The following CADPS variants were observed in gnomAD, a reference collection of about 807,000 sequenced individuals.
CADPS encodes the protein calcium-dependent secretion activator 1.
In CADPS, 57 loss-of-function variants were observed where a neutral mutation model predicts 167.3. The ratio of observed to expected loss-of-function variants is 0.34; its 90% CI spans 0.28 to 0.42. The LOEUF is 0.42. Ranked by LOEUF, CADPS falls within the 20% of genes least tolerant of loss-of-function variation. CADPS has a pLI of 1.00. For missense variants in CADPS, 1,414 were observed against 1,738.1 expected, an observed-to-expected ratio of 0.81 and a Z score of 3.32; for synonymous variants, 676 against 635.3, an observed-to-expected ratio of 1.06 and a Z score of -0.96.
chr3:62,641,137 C>T (rs766382517), intron 6 of CADPS, among the ~76,000 whole-genome samples: 6 of 152,026 alleles, frequency 3.9e-5, no homozygotes, highest in Non-Finnish European at 7.4e-5. Flanking sequence ...TATGTCATTG[C>T]TACAAAAGAC....
chr3:62,628,920 TG>T (rs1480026624), intron 6 of CADPS, among the ~76,000 whole-genome samples: 1 of 151,972 alleles, frequency 6.6e-6, no homozygotes, highest in Non-Finnish European at 1.5e-5. Context: ...CCACCACGCC[TG>T]GCCAACCATG....
intron 1 of CADPS, among the ~76,000 whole-genome samples, chr3:62,856,259 T>C (rs531644039): frequency 4.7e-4 from 71 of 152,288 alleles, no homozygotes; most frequent in African/African-American, 1.7e-3. Flanking sequence ...TAGTAAATGT[T>C]ACAATTTACT....
At chr3:62,843,084 G>T (rs533982971) in intron 1 of CADPS, among the ~76,000 whole-genome samples, 6 of 151,812 alleles carry the variant, frequency 4.0e-5, no homozygotes, top group Non-Finnish European at 8.8e-5. Context: ...TTTCATGTAT[G>T]TTTCACTGGA....
chr3:62,472,796 A>G (rs1234445702), intron 24 of CADPS, among the ~76,000 whole-genome samples: 1 of 152,214 alleles, frequency 6.6e-6, no homozygotes, highest in East Asian at 1.9e-4. Flanking sequence ...CAGCCAGGGG[A>G]AGAATCTAGG....
chr3:62,736,532 C>T (rs1053607697), intron 3 of CADPS, among the ~76,000 whole-genome samples: 8 of 152,166 alleles, frequency 5.3e-5, no homozygotes, highest in Non-Finnish European at 8.8e-5. Context: ...CTTGCATAAA[C>T]ATTCTTGACC....
intron 1 of CADPS, among the ~76,000 whole-genome samples, chr3:62,841,042 T>A (rs2076578760): frequency 6.6e-6 from 1 of 152,188 alleles, no homozygotes; most frequent in Admixed American, 6.5e-5. Context: ...TTAGAGCAAA[T>A]GGGACCTCAT....
At chr3:62,759,825 T>A (rs2084949352) in intron 2 of CADPS, among the ~76,000 whole-genome samples, 2 of 152,186 alleles carry the variant, frequency 1.3e-5, no homozygotes, top group Non-Finnish European at 2.9e-5. Context: ...TGGGCATGTT[T>A]TACTTTCACG....
rs140693686 is a variant in CADPS, at chr3:62,688,046, C to T, written c.889-25652G>A. Among the ~76,000 whole-genome samples, 561 of 152,144 alleles carry T rather than the reference C, an allele frequency of 3.7e-3. 8 individuals are homozygous for T. The highest frequency in any genetic ancestry group is 0.012 in the African/African-American group (509 of 41,488). ...AGGTGCTCAATCATATTATACTGGT[C>T]AGGTGGTAAGGCACTGTGGTTAGAA... On this transcript the variant is annotated intron_variant, in intron 3 of 29. Transcript: ENST00000383710.
chr3:62,569,238 T>A (rs1165834941), intron 9 of CADPS, among the ~76,000 whole-genome samples: 2 of 152,244 alleles, frequency 1.3e-5, no homozygotes, highest in Non-Finnish European at 2.9e-5. Context: ...GTAGCTGAGA[T>A]TACAAGCATG....
intron 3 of CADPS, among the ~76,000 whole-genome samples, chr3:62,696,654 T>G (rs926901839): frequency 1.6e-4 from 25 of 152,102 alleles, no homozygotes; most frequent in Admixed American, 1.5e-3. Flanking sequence ...CTTAAAGTTA[T>G]CCTTTTACCT....
chr3:62,512,074 A>C (rs2067964490), intron 17 of CADPS, among the ~76,000 whole-genome samples: 1 of 152,180 alleles, frequency 6.6e-6, no homozygotes, highest in Admixed American at 6.6e-5. Flanking sequence ...AATTTGGATT[A>C]ACTGATAGTT....
At chr3:62,481,934 A>T in intron 21 of CADPS, 65 bp from the exon 22 acceptor site, 1 of 1,478,710 alleles carries the variant, frequency 6.8e-7, no homozygotes, top group South Asian at 1.2e-5. Context: ...TGGCAGAAGC[A>T]CACGACAATT....
intron 28 of CADPS, among the ~76,000 whole-genome samples, chr3:62,427,485 A>T (rs1402897723): frequency 2.6e-5 from 4 of 152,130 alleles, no homozygotes; most frequent in Non-Finnish European, 5.9e-5. Flanking sequence ...TGCTATTTTG[A>T]GCTGGATCAT....
intron 3 of CADPS, among the ~76,000 whole-genome samples, chr3:62,663,298 T>C (rs1175670720): frequency 6.6e-6 from 1 of 152,204 alleles, no homozygotes; most frequent in Non-Finnish European, 1.5e-5. Context: ...AGACCCACTA[T>C]ATTCTAATAG....
At position 62,420,888 on chromosome 3, in the gene CADPS, ACACACACACACACAGG is replaced by A. The variant is rs1157746942; in HGVS notation, c.3777+17200_3777+17215del. Among the ~76,000 whole-genome samples, 5 of 132,832 alleles carry A rather than the reference ACACACACACACACAGG, an allele frequency of 3.8e-5. No homozygotes were observed. The highest frequency in any genetic ancestry group is 1.6e-5 in the Non-Finnish European group (1 of 63,162). 87.1% of individuals were successfully genotyped at this position (132,832 alleles called of 152,430 possible). On this transcript the variant is annotated intron_variant, in intron 28 of 29. Transcript: ENST00000383710. This position sits in a 1 kb window ranked among gnomAD's most constrained non-coding sequence, Gnocchi z 4.1. ...CACACACACACACACACACACACACACACACACACACACAGGCACACACACACACACTTGCCAGATC... is the reference window on the plus strand; with the variant it reads ...CACACACACACACACACACACACACACACACACACACACACTTGCCAGATC...
chr3:62,444,662 A>T (rs890281610), intron 27 of CADPS, among the ~76,000 whole-genome samples: 14 of 152,226 alleles, frequency 9.2e-5, no homozygotes, highest in African/African-American at 3.1e-4. Flanking sequence ...AAGCATAATT[A>T]TTGATTGTAC....
chr3:62,419,732 G>A (rs1271245072), intron 28 of CADPS, among the ~76,000 whole-genome samples: 4 of 152,090 alleles, frequency 2.6e-5, no homozygotes, highest in Non-Finnish European at 4.4e-5. Flanking sequence ...GCATTAATTC[G>A]CAAGCAGATT....
In CADPS at chr3:62,874,123, C is replaced by G. The variant is rs1210706505; in HGVS notation, c.441+466G>C. On this transcript the variant is annotated intron_variant, in intron 1 of 29. Coordinates refer to ENST00000383710, the MANE Select transcript of CADPS (RefSeq NM_003716.4). The surrounding 1 kb of genome is among the most constrained non-coding windows in gnomAD (Gnocchi z 7.1). ...CCAAGACGCTCTTCTCCCTCCACCT[C>G]GGCGCCCCCACCTGCCGTTGCCCCC... is the stretch of plus-strand genomic sequence containing the variant. 1.3e-5 allele frequency among the ~76,000 whole-genome samples: 2 copies of G among 152,212 alleles called. No homozygotes were observed. The highest frequency in any genetic ancestry group is 2.4e-5 in the African/African-American group (1 of 41,470).
chr3:62,863,422 G>A (rs573846234), intron 1 of CADPS, among the ~76,000 whole-genome samples: 1 of 152,212 alleles, frequency 6.6e-6, no homozygotes, highest in East Asian at 1.9e-4. Flanking sequence ...GACTACACAG[G>A]GTAAAGGGCC....
Sources: gnomAD v4.1 joint callset for allele counts (sites outside exome capture counted in the v4.1 genomes callset) on GRCh38, gnomAD v4.1.1 for gene constraint, Gnocchi (gnomAD v3.1) non-coding constraint, MANE v1.5 for transcripts, NCBI Gene and HGNC (gene_info 2026-07-23, HGNC 2026-07-21) for gene names.